Variants in PHACTR3 observed in about 807,000 individuals in gnomAD.
PHACTR3 encodes the protein protein phosphatase 1, regulatory subunit 123.
A neutral mutation model predicts 66.8 loss-of-function variants in PHACTR3; 16 were observed. The ratio of observed to expected loss-of-function variants is 0.24; its 90% confidence interval spans 0.16 to 0.36. The LOEUF is 0.36. PHACTR3 is among the 10% of genes least tolerant of loss of function. PHACTR3 has a pLI of 1.00. For missense variants in PHACTR3, 647 were observed against 719.9 expected (o/e 0.90, Z 1.16); for synonymous variants, 323 against 292.1 (o/e 1.11, Z -1.08).
intron 1 of PHACTR3, among the ~76,000 whole-genome samples, chr20:59,616,594 G>C (rs191269132): frequency 9.8e-5 from 15 of 152,318 alleles, no homozygotes; most frequent in Admixed American, 9.1e-4. Context: ...ACTGAGTTGG[G>C]TAAAAGACCC....
chr20:59,769,825 A>G (rs1467654263), intron 5 of PHACTR3, among the ~76,000 whole-genome samples: 1 of 152,240 alleles, frequency 6.6e-6, no homozygotes, highest in Non-Finnish European at 1.5e-5. Flanking sequence ...ATCTCTGTAG[A>G]TGAATCCAAA....
At chr20:59,707,162 G>A (rs953363145) in intron 1 of PHACTR3, among the ~76,000 whole-genome samples, 1 of 152,236 alleles carries the variant, frequency 6.6e-6, no homozygotes, top group Non-Finnish European at 1.5e-5. Flanking sequence ...GGGCTCTGCT[G>A]TCTTGTGCCT....
upstream of PHACTR3, among the ~76,000 whole-genome samples, chr20:59,601,433 T>C (rs564269030): frequency 3.2e-4 from 48 of 152,366 alleles, no homozygotes; most frequent in African/African-American, 7.9e-4. Flanking sequence ...TTCATTCCAA[T>C]AGGGTTTCTG....
chr20:59,815,608 A>G (rs1297369007), intron 8 of PHACTR3, among the ~76,000 whole-genome samples: 1 of 152,014 alleles, frequency 6.6e-6, no homozygotes, highest in Non-Finnish European at 1.5e-5. Flanking sequence ...TATTTTTAGT[A>G]GAAACAGTGT....
chr20:59,668,292 G>A (rs1052570051), intron 1 of PHACTR3, among the ~76,000 whole-genome samples: 2 of 151,318 alleles, frequency 1.3e-5, no homozygotes, highest in Non-Finnish European at 2.9e-5. Context: ...ACCTGTACGG[G>A]GTTAGAGGTG....
At chr20:59,694,387 T>A (rs531139378) in intron 1 of PHACTR3, among the ~76,000 whole-genome samples, 1 of 152,128 alleles carries the variant, frequency 6.6e-6, no homozygotes, top group African/African-American at 2.4e-5. Context: ...AGGAATCTCC[T>A]TGACTCACTA....
intron 2 of PHACTR3, among the ~76,000 whole-genome samples, chr20:59,746,189 T>C (rs1162676547): frequency 6.6e-6 from 1 of 152,228 alleles, no homozygotes; most frequent in Non-Finnish European, 1.5e-5. Flanking sequence ...GTGTTTGGGT[T>C]TCCCTTTTCA....
chr20:59,656,901 T>C (rs2035636549), intron 1 of PHACTR3, among the ~76,000 whole-genome samples: 1 of 151,952 alleles, frequency 6.6e-6, no homozygotes, highest in African/African-American at 2.4e-5. Flanking sequence ...ATAGAAACAT[T>C]ACTCCTGAAT....
chr20:59,638,122 T>G (rs562116278), intron 1 of PHACTR3, among the ~76,000 whole-genome samples: 2 of 152,304 alleles, frequency 1.3e-5, no homozygotes, highest in Non-Finnish European at 2.9e-5. Context: ...CCACTACCCC[T>G]CCTTCCACCA....
intron 2 of PHACTR3, 64 bp from the exon 3 acceptor site, chr20:59,747,694 G>C: frequency 6.4e-7 from 1 of 1,570,714 alleles, no homozygotes; most frequent in Non-Finnish European, 8.7e-7. Flanking sequence ...CATTGGCTGT[G>C]GCTTGGACAG....
chr20:59,678,604 C>T (rs1274513322), intron 1 of PHACTR3, among the ~76,000 whole-genome samples: 3 of 152,260 alleles, frequency 2.0e-5, no homozygotes, highest in East Asian at 1.9e-4. Flanking sequence ...TTCGACATGT[C>T]GCAGCTGAAT....
chr20:59,841,885 T>C (rs913033772), intron 11 of PHACTR3, among the ~76,000 whole-genome samples: 3 of 152,030 alleles, frequency 2.0e-5, no homozygotes, highest in Non-Finnish European at 4.4e-5. Flanking sequence ...ATGTCAAGAC[T>C]GTGGAAATTG....
chr20:59,802,348 G>T (rs2041437893), intron 7 of PHACTR3, among the ~76,000 whole-genome samples: 1 of 152,174 alleles, frequency 6.6e-6, no homozygotes, highest in Non-Finnish European at 1.5e-5. Context: ...TCTGGAGGTA[G>T]GGGAGATGAT....
chr20:59,776,186 G>A (rs542695031), intron 7 of PHACTR3, among the ~76,000 whole-genome samples: 105 of 152,284 alleles, frequency 6.9e-4, no homozygotes, highest in African/African-American at 1.9e-3. Flanking sequence ...CCCCTTACCG[G>A]GTGTTTCTTG....
chr20:59,707,773 C>T (rs1022776550), intron 1 of PHACTR3, among the ~76,000 whole-genome samples: 19 of 152,022 alleles, frequency 1.2e-4, no homozygotes, highest in Middle Eastern at 3.2e-3. Context: ...GCTCTTGCTC[C>T]GACTCTTGCC....
rs546438510 is a variant in PHACTR3, at chr20:59,728,238, C to T, written c.119-14869C>T. Reference sequence around the variant, plus strand: ...GTGGTCTTCTGTGACTGGCTCCTTTCGTTTAGCACCATGATCTTGGGGGTC... The same window carrying T: ...GTGGTCTTCTGTGACTGGCTCCTTTTGTTTAGCACCATGATCTTGGGGGTC... On this transcript the variant is annotated intron_variant, in intron 1 of 12. Coordinates refer to ENST00000371015, the MANE Select transcript of PHACTR3 (RefSeq NM_080672.5). 5.3e-5 allele frequency among the ~76,000 whole-genome samples: 8 copies of T among 152,216 alleles called. No homozygotes were observed. In the East Asian group the frequency reaches 5.8e-4, roughly 11 times the overall value.
At chr20:59,614,813 A>G (rs898721846) in intron 1 of PHACTR3, among the ~76,000 whole-genome samples, 1 of 152,212 alleles carries the variant, frequency 6.6e-6, no homozygotes, top group Admixed American at 6.5e-5. Context: ...GAAGTCAGGA[A>G]GATATGCCAA....
At chr20:59,645,009 C>A (rs1432783269) in intron 1 of PHACTR3, among the ~76,000 whole-genome samples, 1 of 152,060 alleles carries the variant, frequency 6.6e-6, no homozygotes, top group Non-Finnish European at 1.5e-5. Context: ...GCCCTTGTCC[C>A]CCTCCTTCGC....
At chr20:59,726,285 C>T (rs746378022) in intron 1 of PHACTR3, among the ~76,000 whole-genome samples, 2 of 152,128 alleles carry the variant, frequency 1.3e-5, no homozygotes, top group Non-Finnish European at 2.9e-5. Flanking sequence ...TGTTGGCCCC[C>T]CAATCCTACT....
Sources: gnomAD v4.1 joint callset for allele counts (sites outside exome capture counted in the v4.1 genomes callset) on GRCh38, gnomAD v4.1.1 for gene constraint, MANE v1.5 for transcripts, NCBI Gene and HGNC (gene_info 2026-07-23, HGNC 2026-07-21) for gene names.